The following EFCAB5 variants were observed in gnomAD, a reference collection of about 807,000 sequenced individuals.
The protein encoded by EFCAB5 is EF-hand calcium-binding domain-containing protein 5.
Under a neutral mutation model 167.9 loss-of-function variants are expected in EFCAB5, and 131 were observed. The ratio of observed to expected loss-of-function variants is 0.78; its 90% CI spans 0.68 to 0.90. EFCAB5 has a LOEUF of 0.90. Among genes scored for constraint, EFCAB5 ranks in the 40% least tolerant of loss-of-function variants. The probability of loss-of-function intolerance (pLI) is 0.00; values close to 1 mark genes in which losing one functional copy is unlikely to be tolerated. For missense variants in EFCAB5, 1,663 were observed against 1,745.2 expected (o/e 0.95, Z 0.84); for synonymous variants, 574 against 602.8 (o/e 0.95, Z 0.70).
chr17:30,061,300 G>A, intron 14 of EFCAB5, among the ~76,000 whole-genome samples: 1 of 152,098 alleles, frequency 6.6e-6, no homozygotes, highest in African/African-American at 2.4e-5. Context: ...ATGGCAGTAT[G>A]GAAGAAAAAA....
rs559166569 is a variant in EFCAB5, at chr17:29,964,137, G to T, written c.191-4654G>T. On this transcript the variant is annotated intron_variant, in intron 3 of 22. Transcript: ENST00000394835. ...TCTCAGGTATTCCTTTTTTTTTCAG[G>T]TATTTCTTTATAGCGACACAAAATA... is the stretch of plus-strand genomic sequence containing the variant. 6.6e-5 allele frequency among the ~76,000 whole-genome samples: 10 copies of T among 151,674 alleles called. 1 individual carries two copies. Among genetic ancestry groups the T allele is most frequent in the African/African-American group, 2.2e-4 (9 of 41,386 alleles).
chr17:30,053,490 A>G lies in EFCAB5; in HGVS notation c.1536A>G (p.Val512=), dbSNP rs918688917. The change falls in exon 10 of 23, where the codon GTA becomes GTG. Residue 512 remains valine, a synonymous_variant. Transcript: ENST00000394835. ...SPNPPEQQRG[V]TAEQGPQRIS... Reference sequence around the variant, plus strand: ...ACCCGCCAGAACAGCAGAGAGGAGTAACTGCAGAACAAGGACCACAAAGAA... The same window carrying G: ...ACCCGCCAGAACAGCAGAGAGGAGTGACTGCAGAACAAGGACCACAAAGAA... 6.2e-7 allele frequency: 1 copy of G among 1,614,048 alleles called. No homozygotes were observed. The highest frequency in any genetic ancestry group is 1.1e-5 in the South Asian group (1 of 91,086).
chr17:30,081,004 A>ACT, intron 17 of EFCAB5, 23 bp downstream of exon 17: 1 of 1,578,960 alleles, frequency 6.3e-7, no homozygotes, highest in South Asian at 1.1e-5. Flanking sequence ...AGTCTTCAAG[A>ACT]GCGATGGTAG....
At chr17:30,090,379 C>A (rs771204100) in intron 19 of EFCAB5, 42 bp from the exon 20 acceptor site, 2 of 1,596,756 alleles carry the variant, frequency 1.3e-6, no homozygotes, top group South Asian at 2.3e-5. Flanking sequence ...TGTGAACAGA[C>A]AGATGTTTAA....
chr17:30,052,267 C>G lies in EFCAB5; in HGVS notation c.1301-988C>G, dbSNP rs567294789. 1.5e-3 allele frequency among the ~76,000 whole-genome samples: 229 copies of G among 152,240 alleles called. 1 individual carries two copies. The highest frequency in any genetic ancestry group is 5.3e-3 in the African/African-American group (220 of 41,538). On this transcript the variant is annotated intron_variant, in intron 9 of 22. Transcript: ENST00000394835. The stretch of plus-strand genomic sequence containing the variant: ...GCAACTTCTGCCTCCCAGGTTCAAG[C>G]GATTCCCCCTGCCTCATCCTCCCAA...
intron 3 of EFCAB5, among the ~76,000 whole-genome samples, chr17:29,963,648 A>C (rs995853223): frequency 6.6e-6 from 1 of 152,204 alleles, no homozygotes; most frequent in Non-Finnish European, 1.5e-5. Flanking sequence ...TATTTGATAG[A>C]AGTCACTAGT....
intron 6 of EFCAB5, among the ~76,000 whole-genome samples, chr17:29,997,806 G>T (rs778935369): frequency 5.3e-5 from 8 of 151,854 alleles, no homozygotes; most frequent in Admixed American, 1.3e-4. Context: ...CATCACTGTG[G>T]CAATAAAAAT....
At chr17:30,044,086 A>C (rs1031192622) in intron 8 of EFCAB5, among the ~76,000 whole-genome samples, 3 of 152,230 alleles carry the variant, frequency 2.0e-5, no homozygotes, top group Non-Finnish European at 1.5e-5. Flanking sequence ...CAACTTTATA[A>C]AACAACCCAA....
intron 7 of EFCAB5, among the ~76,000 whole-genome samples, chr17:30,023,304 C>T (rs947355343): frequency 2.0e-4 from 31 of 151,702 alleles, no homozygotes; most frequent in African/African-American, 6.3e-4. Context: ...AAAGAAAAAA[C>T]GAGAGAAGAA....
intron 7 of EFCAB5, among the ~76,000 whole-genome samples, chr17:30,002,783 G>T (rs1432220205): frequency 6.6e-6 from 1 of 152,078 alleles, no homozygotes; most frequent in Non-Finnish European, 1.5e-5. Flanking sequence ...GTTTTACATT[G>T]TCTGAGAATG....
At chr17:30,080,378 G>C in intron 16 of EFCAB5, 137 bp downstream of exon 16, 2 of 879,650 alleles carry the variant, frequency 2.3e-6, no homozygotes, top group Non-Finnish European at 1.6e-6. Flanking sequence ...AGTAGAAGCT[G>C]ATGGCTTCCA....
At chr17:30,024,163 T>A (rs982822574) in intron 7 of EFCAB5, among the ~76,000 whole-genome samples, 9 of 152,012 alleles carry the variant, frequency 5.9e-5, no homozygotes, top group Admixed American at 1.3e-4. Context: ...TTCAACATAG[T>A]GTTGGAAGTT....
chr17:30,083,324 T>C (rs1467876113), intron 18 of EFCAB5, among the ~76,000 whole-genome samples: 1 of 152,210 alleles, frequency 6.6e-6, no homozygotes, highest in East Asian at 1.9e-4. Flanking sequence ...CAGGGCTCTC[T>C]TGTGTTCATC....
At chr17:30,076,552 G>A (rs146993611) in intron 14 of EFCAB5, among the ~76,000 whole-genome samples, 42 of 152,368 alleles carry the variant, frequency 2.8e-4, no homozygotes, top group African/African-American at 9.6e-4. Flanking sequence ...GCGAGTGCCA[G>A]GTAGTATTTG....
chr17:30,092,074 G>A lies in EFCAB5; in HGVS notation c.4141G>A (p.Asp1381Asn). ...ELEANVKLVR[D>N]ILKAVILFFH... The stretch of plus-strand genomic sequence containing the variant: ...GGAAGCCAACGTGAAACTAGTGCGT[G>A]ACATCCTGAAGGCGGTTATCTTGTT... Residue 1381 changes from aspartate (D) to asparagine (N), a missense_variant, in exon 21 of 23, where the codon GAC becomes AAC. Asp to Asn is a conservative substitution (Grantham distance 23). Transcript: ENST00000394835. 1 of 1,613,972 alleles carries A rather than the reference G, an allele frequency of 6.2e-7. No individual in the cohort carries two copies. The highest frequency in any genetic ancestry group is 8.5e-7 in the Non-Finnish European group (1 of 1,179,878).
At chr17:29,986,830 G>T (rs1163148990) in intron 4 of EFCAB5, among the ~76,000 whole-genome samples, 1 of 151,260 alleles carries the variant, frequency 6.6e-6, no homozygotes, top group African/African-American at 2.4e-5. Flanking sequence ...TGTATTTTTA[G>T]TAGAGACAGG....
intron 3 of EFCAB5, among the ~76,000 whole-genome samples, chr17:29,964,915 T>G (rs1206457305): frequency 6.6e-6 from 1 of 151,984 alleles, no homozygotes; most frequent in Admixed American, 6.5e-5. Flanking sequence ...TTTTTTTTCT[T>G]TTTTGAGACA....
chr17:30,057,053 T>A (rs1413423383), intron 12 of EFCAB5, among the ~76,000 whole-genome samples: 2 of 152,218 alleles, frequency 1.3e-5, no homozygotes, highest in African/African-American at 4.8e-5. Flanking sequence ...CATACTGTAC[T>A]ATTGAGCTAA....
rs1320867283 is a variant in EFCAB5, at chr17:29,968,880, T to A, written c.280T>A (p.Ser94Thr). Reference sequence around the variant, plus strand: ...CTCAGGTAATATTGCAATTAGAAAATCTGCAAAAGTGATTTTTGCTTTAGA... The same window carrying A: ...CTCAGGTAATATTGCAATTAGAAAAACTGCAAAAGTGATTTTTGCTTTAGA... ...EASGNIAIRK[S>T]AKVIFALDET... Residue 94 changes from serine (S) to threonine (T), a missense_variant, in exon 4 of 23, where the codon TCT becomes ACT. By Grantham distance (58) the Ser-to-Thr change is moderately conservative. Coordinates refer to ENST00000394835, the MANE Select transcript of EFCAB5 (RefSeq NM_198529.4). 5 of 1,563,374 alleles carry A rather than the reference T, an allele frequency of 3.2e-6. No homozygotes were observed. The Admixed American group carries it at 7.7e-5, about 24-fold the overall frequency.
Sources: allele counts gnomAD v4.1 joint callset (sites outside exome capture counted in the v4.1 genomes callset), GRCh38; gene constraint gnomAD v4.1.1; transcripts MANE v1.5; gene names NCBI Gene and HGNC (gene_info 2026-07-23, HGNC 2026-07-21).